B3GALT1: variants seen among roughly 807,000 people sequenced by gnomAD.
B3GALT1 encodes the protein UDP-Gal:betaGlcNAc beta 1,3-galactosyltransferase, polypeptide 1.
In B3GALT1, 10 loss-of-function variants were observed where a neutral mutation model predicts 23.2. The observed-to-expected ratio is 0.43, with a 90% CI of 0.27 to 0.73. The LOEUF is 0.73. B3GALT1 is among the 30% of genes least tolerant of loss of function. The probability of loss-of-function intolerance (pLI) is 0.21; values close to 1 mark genes in which losing one functional copy is unlikely to be tolerated. For missense variants in B3GALT1, 299 were observed against 405.4 expected (o/e 0.74, Z 2.25); for synonymous variants, 156 against 141.5 (o/e 1.10, Z -0.73).
chr2:167,680,945 T>C (rs1269254083), intron 3 of B3GALT1, among the ~76,000 whole-genome samples: 3 of 152,212 alleles, frequency 2.0e-5, no homozygotes, highest in Admixed American at 2.0e-4. Context: ...TCTGTGAATG[T>C]GTTCCAGTCA....
intron 2 of B3GALT1, among the ~76,000 whole-genome samples, chr2:167,627,153 A>G (rs1195932554): frequency 6.6e-6 from 1 of 151,474 alleles, no homozygotes; most frequent in Non-Finnish European, 1.5e-5. Flanking sequence ...TCTAATCTAT[A>G]ATGTGTGTGT....
At chr2:167,861,533 A>G (rs1475870475) in intron 4 of B3GALT1, among the ~76,000 whole-genome samples, 1 of 152,222 alleles carries the variant, frequency 6.6e-6, no homozygotes, top group Non-Finnish European at 1.5e-5. Flanking sequence ...CTAATATAGC[A>G]TGAATCAAAA....
At chr2:167,590,212 G>A (rs1360420997) in intron 2 of B3GALT1, among the ~76,000 whole-genome samples, 1 of 152,038 alleles carries the variant, frequency 6.6e-6, no homozygotes, top group Non-Finnish European at 1.5e-5. Flanking sequence ...CGGGCGTGGT[G>A]GCGGGCACCT....
intron 2 of B3GALT1, among the ~76,000 whole-genome samples, chr2:167,509,760 G>A (rs952090223): frequency 2.0e-5 from 3 of 152,278 alleles, no homozygotes; most frequent in East Asian, 1.9e-4. Context: ...GATCAGCAAC[G>A]TTAAGGGGAA....
At chr2:167,544,255 T>C (rs944376955) in intron 2 of B3GALT1, among the ~76,000 whole-genome samples, 1 of 152,174 alleles carries the variant, frequency 6.6e-6, no homozygotes, top group Non-Finnish European at 1.5e-5. Context: ...GGTACATTGC[T>C]GCCCTTAAAA....
At chr2:167,627,351 A>G (rs1440351384) in intron 2 of B3GALT1, among the ~76,000 whole-genome samples, 1 of 151,744 alleles carries the variant, frequency 6.6e-6, no homozygotes, top group African/African-American at 2.4e-5. Flanking sequence ...CCCTCCAGAC[A>G]ATCAACTGAT....
chr2:167,398,430 G>T (rs1421442574), intron 1 of B3GALT1, among the ~76,000 whole-genome samples: 3 of 151,266 alleles, frequency 2.0e-5, no homozygotes, highest in Non-Finnish European at 4.4e-5. Flanking sequence ...TATCTCTATT[G>T]CTATCTCTCT....
At chr2:167,614,600 G>T (rs1415315707) in intron 2 of B3GALT1, among the ~76,000 whole-genome samples, 2 of 151,880 alleles carry the variant, frequency 1.3e-5, no homozygotes, top group Non-Finnish European at 2.9e-5. Context: ...TAAGATAAAT[G>T]CAAGTAGGCT....
At chr2:167,308,054 C>A (rs1486677469) in intron 1 of B3GALT1, among the ~76,000 whole-genome samples, 1 of 151,844 alleles carries the variant, frequency 6.6e-6, no homozygotes, top group Non-Finnish European at 1.5e-5. Flanking sequence ...ATTAGTAACA[C>A]AAAATAATTG....
Position 167,806,281 on chromosome 2 carries a change from C to T in B3GALT1, c.-351-12391C>T, listed in dbSNP as rs1688751289. On this transcript the variant is annotated intron_variant, in intron 3 of 4. Coordinates refer to ENST00000392690, the MANE Select transcript of B3GALT1 (RefSeq NM_020981.4). The stretch of plus-strand genomic sequence containing the variant: ...CAATCATGTCATCTGCAAACAGGGA[C>T]AATTTGACTTCCTCTTTTCCTAATT... Among the ~76,000 whole-genome samples the T allele has an allele frequency of 2.0e-5, 3 of 152,276 alleles. No homozygotes were observed. The South Asian group carries it at 6.2e-4, about 32-fold the overall frequency.
intron 1 of B3GALT1, among the ~76,000 whole-genome samples, chr2:167,443,600 T>G (rs1170930102): frequency 6.6e-6 from 1 of 152,186 alleles, no homozygotes; most frequent in Non-Finnish European, 1.5e-5. Context: ...CCTTGTAAGT[T>G]GGATTCCTAG....
chr2:167,700,227 G>C (rs1336116171), intron 3 of B3GALT1, among the ~76,000 whole-genome samples: 1 of 152,148 alleles, frequency 6.6e-6, no homozygotes. Context: ...CTGGGTGACA[G>C]AGTAAGACCT....
At chr2:167,579,661 AGG>A (rs1684449787) in intron 2 of B3GALT1, among the ~76,000 whole-genome samples, 1 of 152,068 alleles carries the variant, frequency 6.6e-6, no homozygotes, top group Non-Finnish European at 1.5e-5. Flanking sequence ...TGAGAAAACA[AGG>A]AATTTAACTT....
intron 1 of B3GALT1, among the ~76,000 whole-genome samples, chr2:167,338,045 T>A (rs935868865): frequency 6.6e-6 from 1 of 152,170 alleles, no homozygotes; most frequent in African/African-American, 2.4e-5. Context: ...AAAGAAACAC[T>A]GAATATTATA....
At chr2:167,395,628 G>A (rs1698081551) in intron 1 of B3GALT1, among the ~76,000 whole-genome samples, 1 of 152,084 alleles carries the variant, frequency 6.6e-6, no homozygotes, top group African/African-American at 2.4e-5. Context: ...AAGCTACTAA[G>A]TGTGGGTAAC....
intron 1 of B3GALT1, among the ~76,000 whole-genome samples, chr2:167,444,889 A>G (rs575164333): frequency 6.6e-6 from 1 of 152,100 alleles, no homozygotes; most frequent in South Asian, 2.1e-4. Context: ...GATGTTAATT[A>G]TTTCTTGCCT....
At chr2:167,731,618 A>T (rs578095603) in intron 3 of B3GALT1, among the ~76,000 whole-genome samples, 1 of 152,208 alleles carries the variant, frequency 6.6e-6, no homozygotes, top group African/African-American at 2.4e-5. Flanking sequence ...AAATGCTGGA[A>T]TTCATTTGAT....
intron 3 of B3GALT1, among the ~76,000 whole-genome samples, chr2:167,813,491 A>G (rs1192090100): frequency 2.0e-5 from 3 of 152,226 alleles, no homozygotes; most frequent in African/African-American, 7.2e-5. Context: ...ATTTAAAATC[A>G]GGACAACTTC....
chr2:167,642,133 CT>C (rs1324432538), intron 2 of B3GALT1, among the ~76,000 whole-genome samples: 4 of 152,174 alleles, frequency 2.6e-5, no homozygotes, highest in Non-Finnish European at 5.9e-5. Flanking sequence ...GCTGATTACT[CT>C]CACTGCAGAC....
Sources: allele counts gnomAD v4.1 joint callset (sites outside exome capture counted in the v4.1 genomes callset), GRCh38; gene constraint gnomAD v4.1.1; transcripts MANE v1.5; gene names NCBI Gene and HGNC (gene_info 2026-07-23, HGNC 2026-07-21).